IQGAP2: variants seen among roughly 807,000 people sequenced by gnomAD.
The protein encoded by IQGAP2 is IQ motif containing GTPase activating protein 2.
IQGAP2 carries 173 observed loss-of-function variants against 201.3 expected under a neutral mutation model. The ratio of observed to expected loss-of-function variants is 0.86; its 90% CI spans 0.76 to 0.98. The LOEUF is 0.98. IQGAP2 is among the 50% of genes least tolerant of loss of function. IQGAP2 has a pLI of 0.00. For missense variants in IQGAP2, 1,687 were observed against 1,864.8 expected (o/e 0.90, Z 1.76); for synonymous variants, 675 against 673.9 (o/e 1.00, Z -0.03).
chr5:76,583,385 C>T (rs2150295438), intron 5 of IQGAP2, among the ~76,000 whole-genome samples: 1 of 151,978 alleles, frequency 6.6e-6, no homozygotes, highest in South Asian at 2.1e-4. Flanking sequence ...GTGTAAAACG[C>T]CCATACCATG....
chr5:76,606,481 G>A (rs1296802618), intron 12 of IQGAP2, 178 bp downstream of exon 12: 1 of 371,120 alleles, frequency 2.7e-6, no homozygotes, highest in African/African-American at 2.1e-5. Flanking sequence ...GTACCAATAT[G>A]TTATAAACGT....
At chr5:76,680,350 A>G (rs1476563991) in intron 28 of IQGAP2, among the ~76,000 whole-genome samples, 1 of 152,214 alleles carries the variant, frequency 6.6e-6, no homozygotes, top group Non-Finnish European at 1.5e-5. Flanking sequence ...TGGGTGGTAG[A>G]CATAGATGTA....
At chr5:76,535,312 G>T (rs936899094) in intron 2 of IQGAP2, among the ~76,000 whole-genome samples, 1 of 152,038 alleles carries the variant, frequency 6.6e-6, no homozygotes. Flanking sequence ...GCCTTTATTG[G>T]ATTTGAAAGT....
In IQGAP2 at chr5:76,665,114, G is replaced by A; in HGVS notation, c.2618G>A (p.Ser873Asn). The change falls in exon 22 of 36, where the codon AGT becomes AAT. Residue 873 changes from serine (S) to asparagine (N), a missense_variant. Coordinates refer to ENST00000274364, the MANE Select transcript of IQGAP2 (RefSeq NM_006633.5). ...AACACCGACAACCAAGGAATAAAAA[G>A]TTTGAGTAAGGAGAGGAGAAAAACA... ...LNNTDNQGIK[S>N]LSKERRKTLE... is the part of the protein sequence containing the mutation. 2 of 1,612,702 alleles carry A rather than the reference G, an allele frequency of 1.2e-6. No individual in the cohort carries two copies. The highest frequency in any genetic ancestry group is 1.1e-5 in the South Asian group (1 of 91,040).
At chr5:76,503,927 C>T (rs1290360373) in intron 2 of IQGAP2, among the ~76,000 whole-genome samples, 2 of 152,198 alleles carry the variant, frequency 1.3e-5, no homozygotes, top group East Asian at 3.8e-4. Flanking sequence ...GACAGATATT[C>T]ATTTGTGGAG....
Position 76,674,691 on chromosome 5 carries a change from A to G in IQGAP2, c.3509A>G (p.Glu1170Gly), listed in dbSNP as rs1413828497. ...TCATCTATGAACAATTATTTATCAG[A>G]GACGTATCAGGAATTCAGGTGAGAG... The part of the protein sequence containing the change: ...HLSSMNNYLS[E>G]TYQEFRKYFK... Residue 1170 changes from glutamate to glycine, a missense_variant, in exon 27 of 36, where the codon GAG becomes GGG. Glu to Gly is a moderately conservative substitution (Grantham distance 98, BLOSUM62 -2). Coordinates refer to ENST00000274364, the MANE Select transcript of IQGAP2 (RefSeq NM_006633.5). The G allele has an allele frequency of 6.2e-7, 1 of 1,613,280 alleles. No homozygotes were observed. The highest frequency in any genetic ancestry group is 8.5e-7 in the Non-Finnish European group (1 of 1,179,194).
intron 4 of IQGAP2, among the ~76,000 whole-genome samples, chr5:76,573,146 CAG>C (rs1356593968): frequency 6.6e-6 from 1 of 152,142 alleles, no homozygotes; most frequent in East Asian, 1.9e-4. Flanking sequence ...CGAATTTAAA[CAG>C]AATTGTTTTG....
At position 76,674,693 on chromosome 5, in the gene IQGAP2, A is replaced by G; in HGVS notation, c.3511A>G (p.Thr1171Ala). Reference protein sequence around the residue: ...LSSMNNYLSETYQEFRKYFKE... With the variant: ...LSSMNNYLSEAYQEFRKYFKE... ...ATCTATGAACAATTATTTATCAGAG[A>G]CGTATCAGGAATTCAGGTGAGAGGG... Residue 1171 changes from threonine (T) to alanine (A), a missense_variant, in exon 27 of 36, where the codon ACG (threonine) becomes GCG (alanine). Coordinates refer to ENST00000274364, the MANE Select transcript of IQGAP2 (RefSeq NM_006633.5). The G allele has an allele frequency of 1.2e-6, 2 of 1,612,940 alleles. No homozygotes were observed. Among genetic ancestry groups the G allele is most frequent in the Non-Finnish European group, 8.5e-7 (1 of 1,178,920 alleles).
chr5:76,582,101 T>C (rs1745912093), intron 5 of IQGAP2, among the ~76,000 whole-genome samples: 1 of 152,188 alleles, frequency 6.6e-6, no homozygotes, highest in Admixed American at 6.5e-5. Flanking sequence ...TCCCATTTTA[T>C]CACCAAGGCA....
At chr5:76,469,506 T>A (rs1413356356) in intron 2 of IQGAP2, among the ~76,000 whole-genome samples, 1 of 151,938 alleles carries the variant, frequency 6.6e-6, no homozygotes, top group Non-Finnish European at 1.5e-5. Flanking sequence ...GTTCAAACGA[T>A]TATTTCTCCT....
chr5:76,665,703 T>G (rs943790728), intron 22 of IQGAP2, among the ~76,000 whole-genome samples: 7 of 152,254 alleles, frequency 4.6e-5, no homozygotes, highest in African/African-American at 1.7e-4. Context: ...ATGGCATTAC[T>G]ATGATCTAAA....
intron 30 of IQGAP2, among the ~76,000 whole-genome samples, chr5:76,691,120 G>C (rs941676208): frequency 6.6e-6 from 1 of 152,214 alleles, no homozygotes; most frequent in Non-Finnish European, 1.5e-5. Flanking sequence ...TTAAGCACTA[G>C]ACACACTGTA....
chr5:76,661,927 G>A (rs1397635166), intron 21 of IQGAP2, among the ~76,000 whole-genome samples: 1 of 152,178 alleles, frequency 6.6e-6, no homozygotes, highest in African/African-American at 2.4e-5. Flanking sequence ...TGGCAAAAGG[G>A]CAATACTGAG....
At chr5:76,542,165 T>C (rs565962973) in intron 2 of IQGAP2, among the ~76,000 whole-genome samples, 1 of 151,920 alleles carries the variant, frequency 6.6e-6, no homozygotes, top group Non-Finnish European at 1.5e-5. Context: ...AAAAAAAAAT[T>C]GATAGAGATG....
At chr5:76,667,694 C>T (rs13184348) in intron 22 of IQGAP2, among the ~76,000 whole-genome samples, 1 of 152,128 alleles carries the variant, frequency 6.6e-6, no homozygotes, top group Non-Finnish European at 1.5e-5. Flanking sequence ...TCACCCCTCT[C>T]TTCAGCCTCC....
intron 20 of IQGAP2, among the ~76,000 whole-genome samples, chr5:76,656,318 A>G (rs1398066787): frequency 2.0e-5 from 3 of 151,704 alleles, no homozygotes; most frequent in East Asian, 1.9e-4. Flanking sequence ...AGTAGCTGGG[A>G]CTACAGGCGC....
chr5:76,559,994 C>CT (rs1561463515), intron 2 of IQGAP2, among the ~76,000 whole-genome samples: 2 of 152,080 alleles, frequency 1.3e-5, no homozygotes, highest in South Asian at 4.1e-4. Context: ...AATTTTCTTA[C>CT]TTTTTTTGTT....
At chr5:76,572,397 C>T (rs1745175991) in intron 4 of IQGAP2, among the ~76,000 whole-genome samples, 2 of 152,092 alleles carry the variant, frequency 1.3e-5, no homozygotes, top group Admixed American at 6.5e-5. Context: ...CTCCTGACCT[C>T]AGGTGATCTG....
intron 13 of IQGAP2, among the ~76,000 whole-genome samples, chr5:76,615,324 T>C (rs1580613568): frequency 6.6e-6 from 1 of 152,230 alleles, no homozygotes; most frequent in East Asian, 1.9e-4. Flanking sequence ...TAAGTTTCTA[T>C]CTTCTTGAAA....
Sources: gnomAD v4.1 joint callset for allele counts (sites outside exome capture counted in the v4.1 genomes callset) on GRCh38, gnomAD v4.1.1 for gene constraint, MANE v1.5 for transcripts, NCBI Gene and HGNC (gene_info 2026-07-23, HGNC 2026-07-21) for gene names.